Variants in CC2D2B observed in about 807,000 individuals in gnomAD.
CC2D2B encodes the protein coiled-coil and C2 domain containing 2B.
Under a neutral mutation model 161.2 loss-of-function variants are expected in CC2D2B, and 128 were observed. The observed-to-expected ratio is 0.79, with a 90% CI of 0.69 to 0.92. CC2D2B has a LOEUF of 0.92. CC2D2B is among the 40% of genes least tolerant of loss of function. The pLI, the probability that CC2D2B is intolerant of heterozygous loss-of-function variation, is 0.00. For synonymous variants in CC2D2B, 391 were observed against 449.8 expected (o/e 0.87, Z 1.65); for missense variants, 1,173 against 1,375.1 (o/e 0.85, Z 2.32).
At chr10:95,953,217 T>TA (rs2076461818) in intron 10 of CC2D2B, among the ~76,000 whole-genome samples, 1 of 152,056 alleles carries the variant, frequency 6.6e-6, no homozygotes. Flanking sequence ...ATTTTAAATT[T>TA]AAAAAAAATT....
intron 6 of CC2D2B, among the ~76,000 whole-genome samples, chr10:95,934,016 T>C (rs2075713951): frequency 6.6e-6 from 1 of 152,144 alleles, no homozygotes; most frequent in Non-Finnish European, 1.5e-5. Flanking sequence ...TCCCAGGAGA[T>C]GGGAGTTTTA....
intron 10 of CC2D2B, among the ~76,000 whole-genome samples, chr10:95,951,028 G>A (rs761282134): frequency 2.0e-5 from 3 of 151,914 alleles, no homozygotes; most frequent in African/African-American, 7.3e-5. Flanking sequence ...CATGTTGGCC[G>A]GGCTGTTCTC....
intron 20 of CC2D2B, among the ~76,000 whole-genome samples, chr10:95,989,717 C>T (rs770302714): frequency 2.1e-4 from 32 of 152,056 alleles, no homozygotes; most frequent in Non-Finnish European, 3.8e-4. Flanking sequence ...AGGCACTTTC[C>T]AAACATTTTG....
At chr10:95,915,784 T>A (rs569993085) in intron 2 of CC2D2B, among the ~76,000 whole-genome samples, 88 of 152,310 alleles carry the variant, frequency 5.8e-4, no homozygotes, top group African/African-American at 2.0e-3. Context: ...CTCTTTAATA[T>A]GATGTTGAAT....
chr10:95,914,989 G>A (rs184981821), intron 2 of CC2D2B, among the ~76,000 whole-genome samples: 89 of 152,262 alleles, frequency 5.8e-4, no homozygotes, highest in Middle Eastern at 3.4e-3. Context: ...GATTGAATAC[G>A]TAGATTGCTT....
intron 11 of CC2D2B, among the ~76,000 whole-genome samples, chr10:95,956,440 C>T (rs2141380614): frequency 6.6e-6 from 1 of 152,014 alleles, no homozygotes; most frequent in Non-Finnish European, 1.5e-5. Flanking sequence ...ATATGATCTA[C>T]AAACAAGATA....
chr10:95,930,932 A>G (rs909264610), intron 6 of CC2D2B, among the ~76,000 whole-genome samples: 11 of 151,962 alleles, frequency 7.2e-5, no homozygotes, highest in African/African-American at 1.2e-4. Flanking sequence ...CTCTTTTTCT[A>G]TTGTTTGGAA....
At chr10:96,020,092 A>C in intron 32 of CC2D2B, 1 of 315,420 alleles carries the variant, frequency 3.2e-6, no homozygotes, top group South Asian at 4.3e-5. Context: ...AAAACATAAC[A>C]TATAATGTTC....
At chr10:95,977,223 A>T (rs2077351122) in intron 17 of CC2D2B, among the ~76,000 whole-genome samples, 1 of 152,136 alleles carries the variant, frequency 6.6e-6, no homozygotes, top group Non-Finnish European at 1.5e-5. Flanking sequence ...AAAAATACAA[A>T]AATTAGCTGG....
rs143704667 is a variant in CC2D2B, at chr10:96,025,639, C to T, written c.3947+728C>T. On this transcript the variant is annotated intron_variant, in intron 33 of 34. Transcript: ENST00000646931. ...AAATGTCCCAGTTAGGCAGTAGAAA[C>T]GGCAGTACTGCCACAGCTGGACACT... Among the ~76,000 whole-genome samples the T allele has an allele frequency of 2.5e-3, 375 of 152,340 alleles. 1 individual carries two copies. Among genetic ancestry groups the T allele is most frequent in the South Asian group, 1.0e-2 (48 of 4,822 alleles).
At chr10:95,945,226 C>T (rs960719137) in intron 9 of CC2D2B, among the ~76,000 whole-genome samples, 5 of 152,222 alleles carry the variant, frequency 3.3e-5, no homozygotes, top group African/African-American at 1.2e-4. Context: ...AAGACAGTAG[C>T]ATCCTTAACA....
At position 95,965,998 on chromosome 10, in the gene CC2D2B, G is replaced by T. The variant is rs2141453268; in HGVS notation, c.1353G>T (p.Glu451Asp). 1.8e-6 allele frequency: 2 copies of T among 1,109,852 alleles called. No homozygotes were observed. Among genetic ancestry groups the T allele is most frequent in the East Asian group, 3.2e-5 (1 of 30,994 alleles). 68.8% of individuals were successfully genotyped at this position (1,109,852 alleles called of 1,614,324 possible). ...AACTTAAGAATGGGAAAAAACTGGAGGTATTTATATTGCAAAATAACATTA... is the reference window on the plus strand; with the variant it reads ...AACTTAAGAATGGGAAAAAACTGGATGTATTTATATTGCAAAATAACATTA... ...GKELKNGKKLESLSYLASDET... is the reference protein window; with the variant it reads ...GKELKNGKKLDSLSYLASDET... The change falls in exon 13 of 35, where the codon GAG becomes GAT. Residue 451 changes from glutamate (E) to aspartate (D), a missense_variant and splice_region_variant. Physicochemically the swap from Glu to Asp is conservative, Grantham distance 45. This residue lies in a region of CC2D2B where 277 missense variants were observed against 420.6 expected (regional missense o/e 0.66). Coordinates refer to ENST00000646931, the MANE Select transcript of CC2D2B (RefSeq NM_001349008.3).
At chr10:95,976,126 C>G (rs886480227) in intron 17 of CC2D2B, among the ~76,000 whole-genome samples, 1 of 152,170 alleles carries the variant, frequency 6.6e-6, no homozygotes, top group Admixed American at 6.5e-5. Context: ...TACCCAAAAG[C>G]CTTCTTTGTT....
chr10:96,016,300 A>G lies in CC2D2B; in HGVS notation c.3616A>G (p.Thr1206Ala). 6.2e-7 allele frequency: 1 copy of G among 1,604,154 alleles called. No individual in the cohort carries two copies. The highest frequency in any genetic ancestry group is 8.5e-7 in the Non-Finnish European group (1 of 1,171,012). The stretch of plus-strand genomic sequence containing the variant: ...AAAGAAGGCACTGGTCCTCTTGGGA[A>G]CGTCAGTGTTAGAAGTAAGTGCTGG... ...FGKKALVLLG[T>A]SVLEGHVAYV... The change falls in exon 30 of 35, where the codon ACG (threonine) becomes GCG (alanine). Residue 1206 changes from threonine to alanine, a missense_variant. By Grantham distance (58) the Thr-to-Ala change is moderately conservative. Transcript: ENST00000646931.
intron 6 of CC2D2B, among the ~76,000 whole-genome samples, chr10:95,929,171 A>T (rs923756080): frequency 2.0e-5 from 3 of 151,882 alleles, no homozygotes; most frequent in East Asian, 1.9e-4. Flanking sequence ...CTTTTTTTTC[A>T]TATGTTTGCT....
intron 25 of CC2D2B, among the ~76,000 whole-genome samples, chr10:96,007,957 T>C (rs1178499874): frequency 6.6e-6 from 1 of 152,100 alleles, no homozygotes; most frequent in Non-Finnish European, 1.5e-5. Context: ...TCTGCACATA[T>C]TTAAAGTGTA....
At chr10:95,918,675 T>G (rs1332583418) in intron 2 of CC2D2B, among the ~76,000 whole-genome samples, 1 of 152,232 alleles carries the variant, frequency 6.6e-6, no homozygotes, top group Non-Finnish European at 1.5e-5. Flanking sequence ...TGGAAAGTGT[T>G]ATTATCTTTT....
intron 34 of CC2D2B, among the ~76,000 whole-genome samples, chr10:96,028,829 T>C (rs1213347976): frequency 6.6e-6 from 1 of 152,124 alleles, no homozygotes; most frequent in Non-Finnish European, 1.5e-5. Flanking sequence ...TGCATCAACA[T>C]GGATGGAACT....
chr10:95,974,111 T>C lies in CC2D2B; in HGVS notation c.1898T>C (p.Leu633Pro). 1 of 1,230,938 alleles carries C rather than the reference T, an allele frequency of 8.1e-7. No individual in the cohort carries two copies. The allele number at this position is 1,230,938 out of a possible 1,614,324, so 76.3% of individuals were successfully genotyped here. ...TCATGGAGCTTAGATGAAAATGGTC[T>C]TCCTCTGATACCTATGCCACAATCA... is the stretch of plus-strand genomic sequence containing the variant. ...SLSWSLDENGLPLIPMPQSLR... is the reference protein window; with the variant it reads ...SLSWSLDENGPPLIPMPQSLR... Residue 633 changes from leucine (L) to proline (P), a missense_variant, in exon 17 of 35, where the codon CTT becomes CCT. Physicochemically the swap from Leu to Pro is moderately conservative, Grantham distance 98 (BLOSUM62 -3). Around this residue, in one of 3 missense-constraint regions of CC2D2B, gnomAD observed 277 missense variants for 420.6 expected, o/e 0.66. Coordinates refer to ENST00000646931, the MANE Select transcript of CC2D2B (RefSeq NM_001349008.3).
Sources: allele counts gnomAD v4.1 joint callset (sites outside exome capture counted in the v4.1 genomes callset), GRCh38; gene constraint gnomAD v4.1.1; regional missense constraint gnomAD v4.1.1; transcripts MANE v1.5; gene names NCBI Gene and HGNC (gene_info 2026-07-23, HGNC 2026-07-21).